The following CTNNA3 variants were observed in gnomAD, a reference collection of about 807,000 sequenced individuals.
The protein encoded by CTNNA3 is catenin alpha-3.
A neutral mutation model predicts 95.7 loss-of-function variants in CTNNA3; 76 were observed. That is an observed-to-expected ratio of 0.79 (90% CI 0.66 to 0.96). The LOEUF is 0.96. Among genes scored for constraint, CTNNA3 ranks in the 40% least tolerant of loss-of-function variants. CTNNA3 has a pLI of 0.00. For synonymous variants in CTNNA3, 431 were observed against 374.4 expected (o/e 1.15, Z -1.74); for missense variants, 1,191 against 1,089.8 (o/e 1.09, Z -1.31).
intron 15 of CTNNA3, among the ~76,000 whole-genome samples, chr10:66,002,740 T>C (rs1487340755): frequency 1.3e-5 from 2 of 152,058 alleles, no homozygotes; most frequent in Non-Finnish European, 2.9e-5. Flanking sequence ...TGAGAATAGA[T>C]CTCATAGGAG....
At chr10:66,773,209 C>G (rs1840165325) in intron 8 of CTNNA3, among the ~76,000 whole-genome samples, 1 of 152,164 alleles carries the variant, frequency 6.6e-6, no homozygotes, top group Non-Finnish European at 1.5e-5. Context: ...AAGACAGCTT[C>G]TAACAATTCC....
At chr10:66,074,252 T>C (rs1177521878) in intron 14 of CTNNA3, among the ~76,000 whole-genome samples, 1 of 151,908 alleles carries the variant, frequency 6.6e-6, no homozygotes, top group Non-Finnish European at 1.5e-5. Flanking sequence ...TCTATAAATT[T>C]ATTCATGTTT....
At chr10:67,257,905 G>A (rs569303122) in intron 5 of CTNNA3, among the ~76,000 whole-genome samples, 2 of 152,274 alleles carry the variant, frequency 1.3e-5, no homozygotes, top group Non-Finnish European at 2.9e-5. Context: ...AGCAATAGCT[G>A]TTTAGACTCT....
rs1845620068 is a variant in CTNNA3, at chr10:66,644,296, CTCTCTCTCTCTATA to C, written c.1282-22526_1282-22513del. On this transcript the variant is annotated intron_variant, in intron 9 of 17. Coordinates refer to ENST00000433211, the MANE Select transcript of CTNNA3 (RefSeq NM_013266.4). ...TGTCTGTCTGTCTGTCTGTCTGTCT[CTCTCTCTCTCTATA>C]TATATATATATATAAAATAATACTT... 3.3e-5 allele frequency among the ~76,000 whole-genome samples: 3 copies of C among 92,124 alleles called. No homozygotes were observed. In the South Asian group the frequency reaches 1.3e-3, roughly 40 times the overall value. The allele number at this position is 92,124 out of a possible 152,430, so 60.4% of individuals were successfully genotyped here.
At chr10:67,333,601 A>T (rs943329672) in intron 5 of CTNNA3, among the ~76,000 whole-genome samples, 3 of 152,318 alleles carry the variant, frequency 2.0e-5, no homozygotes, top group Admixed American at 1.3e-4. Flanking sequence ...AGATTAGAAA[A>T]TTGAATAAGG....
Position 66,922,236 on chromosome 10 carries a change from G to A in CTNNA3, c.1048-146712C>T, listed in dbSNP as rs139282489. Among the ~76,000 whole-genome samples, 539 of 152,294 alleles carry A rather than the reference G, an allele frequency of 3.5e-3. 1 individual carries two copies. The highest frequency in any genetic ancestry group is 0.01 in the African/African-American group (420 of 41,560). On this transcript the variant is annotated intron_variant, in intron 7 of 17. Transcript: ENST00000433211. ...GTAGTTTACGGTTTGTTCTGTATGCGATATTAAGTGCAAAAGAAGTTGCTA... is the reference window on the plus strand; with the variant it reads ...GTAGTTTACGGTTTGTTCTGTATGCAATATTAAGTGCAAAAGAAGTTGCTA...
intron 4 of CTNNA3, among the ~76,000 whole-genome samples, chr10:67,525,468 C>T (rs369155272): frequency 5.3e-5 from 8 of 152,138 alleles, no homozygotes; most frequent in Admixed American, 2.0e-4. Flanking sequence ...GAAAAGGCAA[C>T]AGGAAAATGT....
chr10:66,632,622 T>A (rs1845184571), intron 9 of CTNNA3, among the ~76,000 whole-genome samples: 2 of 151,338 alleles, frequency 1.3e-5, no homozygotes, highest in African/African-American at 2.4e-5. Flanking sequence ...ACACAAAAAT[T>A]TAGTGTTTTT....
At chr10:66,591,538 G>A (rs150448839) in intron 10 of CTNNA3, among the ~76,000 whole-genome samples, 1 of 152,074 alleles carries the variant, frequency 6.6e-6, no homozygotes, top group Admixed American at 6.6e-5. Flanking sequence ...TTCATCTGTT[G>A]GCTGCTCTGA....
chr10:65,952,045 A>AAC (rs2077627512), intron 17 of CTNNA3, among the ~76,000 whole-genome samples: 1 of 151,910 alleles, frequency 6.6e-6, no homozygotes, highest in African/African-American at 2.4e-5. Context: ...AAAAAAAAAA[A>AAC]AAAATCCCTC....
rs1846222845 is a variant in CTNNA3, at chr10:66,911,504, A to G, written c.1048-135980T>C. ...TATGAGGTTAGGAAAAAAGTTATAT[A>G]AAGTGTCAACTACTGTTTTTCACAT... is the stretch of plus-strand genomic sequence containing the variant. On this transcript the variant is annotated intron_variant, in intron 7 of 17. Transcript: ENST00000433211. 2.0e-5 allele frequency among the ~76,000 whole-genome samples: 3 copies of G among 152,198 alleles called. No homozygotes were observed. The South Asian group carries it at 6.2e-4, about 31-fold the overall frequency.
chr10:67,449,764 C>T (rs994946316), intron 5 of CTNNA3, among the ~76,000 whole-genome samples: 3 of 152,138 alleles, frequency 2.0e-5, no homozygotes, highest in South Asian at 2.1e-4. Context: ...GATTTCATGA[C>T]GAAGATGCCT....
intron 10 of CTNNA3, among the ~76,000 whole-genome samples, chr10:66,557,261 A>C (rs1243471226): frequency 6.6e-6 from 1 of 152,084 alleles, no homozygotes; most frequent in East Asian, 1.9e-4. Flanking sequence ...TAGCATATCA[A>C]TTTTCTATAA....
chr10:66,240,039 T>G (rs1403651410), intron 13 of CTNNA3, among the ~76,000 whole-genome samples: 1 of 152,054 alleles, frequency 6.6e-6, no homozygotes, highest in Admixed American at 6.5e-5. Context: ...TCTATAGTTA[T>G]AGATATCCAT....
intron 5 of CTNNA3, among the ~76,000 whole-genome samples, chr10:67,227,819 T>A (rs957237976): frequency 2.6e-5 from 4 of 152,122 alleles, no homozygotes; most frequent in African/African-American, 9.7e-5. Flanking sequence ...TCAATAAATT[T>A]AAGAAAATTG....
chr10:67,628,548 T>C (rs1281838331), intron 2 of CTNNA3, among the ~76,000 whole-genome samples: 6 of 152,160 alleles, frequency 3.9e-5, no homozygotes, highest in African/African-American at 1.4e-4. Context: ...ACCCCTGAAG[T>C]ATCCAAAAGA....
chr10:66,171,620 C>T (rs957742399), intron 13 of CTNNA3, among the ~76,000 whole-genome samples: 5 of 151,790 alleles, frequency 3.3e-5, no homozygotes, highest in African/African-American at 9.7e-5. Flanking sequence ...AGCATGTGTT[C>T]GTTATGATGT....
intron 15 of CTNNA3, among the ~76,000 whole-genome samples, chr10:65,996,631 C>G (rs573740536): frequency 6.6e-6 from 1 of 152,122 alleles, no homozygotes; most frequent in South Asian, 2.1e-4. Flanking sequence ...TACACACTAT[C>G]CAGGCTGCTT....
chr10:66,616,655 G>A (rs1844525302), intron 10 of CTNNA3, among the ~76,000 whole-genome samples: 1 of 152,048 alleles, frequency 6.6e-6, no homozygotes, highest in Admixed American at 6.6e-5. Flanking sequence ...TACACAGTAA[G>A]AACCAGAACA....
Sources: allele counts gnomAD v4.1 joint callset (sites outside exome capture counted in the v4.1 genomes callset), GRCh38; gene constraint gnomAD v4.1.1; transcripts MANE v1.5; gene names NCBI Gene and HGNC (gene_info 2026-07-23, HGNC 2026-07-21).